Variants in DOCK1 observed in about 807,000 individuals in gnomAD.
The protein encoded by DOCK1 is dedicator of cytokinesis protein 1.
Under a neutral mutation model 262.7 loss-of-function variants are expected in DOCK1, and 138 were observed. That is an observed-to-expected ratio of 0.53 (90% CI 0.46 to 0.61). The LOEUF (loss-of-function observed/expected upper bound fraction) is 0.61. DOCK1 is among the 20% of genes least tolerant of loss of function. The pLI is 0.00. For synonymous variants in DOCK1, 866 were observed against 867.4 expected (o/e 1.00, Z 0.03); for missense variants, 1,908 against 2,370.7 (o/e 0.80, Z 4.05).
At chr10:126,945,127 G>A (rs945633823) in intron 1 of DOCK1, among the ~76,000 whole-genome samples, 16 of 152,108 alleles carry the variant, frequency 1.1e-4, no homozygotes, top group Non-Finnish European at 1.6e-4. Context: ...GTGAGCCACC[G>A]TGCCTGGCCA....
At position 126,995,672 on chromosome 10, in the gene DOCK1, C is replaced by T. The variant is rs142226790; in HGVS notation, c.474-1076C>T. The stretch of plus-strand genomic sequence containing the variant: ...AGACCGTGGAGAGGGAGAGGGAGAC[C>T]GTGGAGAGGGAGAGGGAGAGGGAGA... On this transcript the variant is annotated intron_variant, in intron 6 of 51. Transcript: ENST00000623213. The surrounding 1 kb of genome is among the most constrained non-coding windows in gnomAD (Gnocchi z 5.8). Among the ~76,000 whole-genome samples, 4 of 95,002 alleles carry T rather than the reference C, an allele frequency of 4.2e-5. No homozygotes were observed. The Admixed American group carries it at 4.5e-4, about 11-fold the overall frequency. The allele number at this position is 95,002 out of a possible 152,430, so 62.3% of individuals were successfully genotyped here.
chr10:127,154,454 T>A (rs2052832942), intron 27 of DOCK1, among the ~76,000 whole-genome samples: 1 of 152,260 alleles, frequency 6.6e-6, no homozygotes, highest in African/African-American at 2.4e-5. Flanking sequence ...CACATGGAAA[T>A]GATCCGAAAT....
At chr10:126,946,079 A>C (rs920649673) in intron 1 of DOCK1, among the ~76,000 whole-genome samples, 2,981 of 152,286 alleles carry the variant, frequency 0.02, 95 homozygotes, top group African/African-American at 0.068. Flanking sequence ...GGTTTTTGGC[A>C]TATTACATTA....
chr10:127,140,507 C>T lies in DOCK1; in HGVS notation c.2847+12743C>T, dbSNP rs1014899137. Among the ~76,000 whole-genome samples the T allele has an allele frequency of 5.9e-5, 9 of 152,290 alleles. 1 individual carries two copies. In the South Asian group the frequency reaches 8.3e-4, roughly 14 times the overall value. ...TGCAGTGGATCTGCGTGTGGGATGA[C>T]GCCCGTGCACCAGCCAGGCAACGTG... is the stretch of plus-strand genomic sequence containing the variant. On this transcript the variant is annotated intron_variant, in intron 27 of 51. Coordinates refer to ENST00000623213, the MANE Select transcript of DOCK1 (RefSeq NM_001290223.2).
At chr10:126,999,802 A>G (rs1317972344) in intron 9 of DOCK1, among the ~76,000 whole-genome samples, 1 of 152,048 alleles carries the variant, frequency 6.6e-6, no homozygotes, top group African/African-American at 2.4e-5. Context: ...TCAGCTCCCG[A>G]GTAGCTGGGA....
intron 37 of DOCK1, among the ~76,000 whole-genome samples, chr10:127,382,164 C>G (rs2065863024): frequency 1.3e-5 from 2 of 152,162 alleles, no homozygotes; most frequent in South Asian, 4.1e-4. Context: ...AAAGACTGCT[C>G]ATTCAAGGAG....
chr10:127,054,701 G>C (rs1276942183), intron 22 of DOCK1, among the ~76,000 whole-genome samples: 1 of 152,132 alleles, frequency 6.6e-6, no homozygotes, highest in Non-Finnish European at 1.5e-5. Context: ...GTCAGTACTA[G>C]GGTGGGAGGA....
chr10:127,201,062 T>C (rs1564898660), intron 27 of DOCK1, among the ~76,000 whole-genome samples: 1 of 152,192 alleles, frequency 6.6e-6, no homozygotes, highest in East Asian at 1.9e-4. Context: ...GAAAAGTAAC[T>C]CATATCGCCT....
At chr10:127,440,652 C>T (rs1286330994) in intron 49 of DOCK1, among the ~76,000 whole-genome samples, 1 of 152,178 alleles carries the variant, frequency 6.6e-6, no homozygotes, top group Non-Finnish European at 1.5e-5. Context: ...TCATGCCACT[C>T]AGAAAGCAGT....
intron 1 of DOCK1, among the ~76,000 whole-genome samples, chr10:126,948,746 T>A (rs2035866066): frequency 6.6e-6 from 1 of 152,006 alleles, no homozygotes; most frequent in African/African-American, 2.4e-5. Flanking sequence ...CCAGCCTGGA[T>A]CCCAAGCTTC....
chr10:127,084,639 C>T (rs1330938944), intron 23 of DOCK1, among the ~76,000 whole-genome samples: 2 of 152,180 alleles, frequency 1.3e-5, no homozygotes, highest in East Asian at 1.9e-4. Context: ...ATGTACTTTG[C>T]TATACCTTTC....
chr10:127,236,916 G>A (rs1224026835), intron 27 of DOCK1, among the ~76,000 whole-genome samples: 1 of 152,076 alleles, frequency 6.6e-6, no homozygotes, highest in African/African-American at 2.4e-5. Context: ...GGAAAACGAG[G>A]CTCAGAAAGG....
At chr10:127,300,606 A>G (rs2061647449) in intron 29 of DOCK1, among the ~76,000 whole-genome samples, 1 of 152,182 alleles carries the variant, frequency 6.6e-6, no homozygotes, top group African/African-American at 2.4e-5. Context: ...ATCAAAAATT[A>G]TATTCCAGTT....
In DOCK1 at chr10:127,222,552, A is replaced by G. The variant is rs1296186108; in HGVS notation, c.2848-25456A>G. Among the ~76,000 whole-genome samples, 8 of 152,102 alleles carry G rather than the reference A, an allele frequency of 5.3e-5. No homozygotes were observed. In the East Asian group the frequency reaches 1.3e-3, roughly 26 times the overall value. On this transcript the variant is annotated intron_variant, in intron 27 of 51. Coordinates refer to ENST00000623213, the MANE Select transcript of DOCK1 (RefSeq NM_001290223.2). Reference sequence around the variant, plus strand: ...AACATCATAAACAAGTTTCCTTGGGAGATAAATTTTGTGGTTTCTGTACAT... The same window carrying G: ...AACATCATAAACAAGTTTCCTTGGGGGATAAATTTTGTGGTTTCTGTACAT...
chr10:127,218,897 CT>C (rs1399319318), intron 27 of DOCK1, among the ~76,000 whole-genome samples: 1 of 152,178 alleles, frequency 6.6e-6, no homozygotes, highest in Non-Finnish European at 1.5e-5. Flanking sequence ...AAGATGGCGC[CT>C]TGTTGCTTCA....
In DOCK1 at chr10:127,438,530, C is replaced by A. The variant is rs184164843; in HGVS notation, c.5061-497C>A. ...GCATCTCCAAGCACCTGTGAGCTGG[C>A]CCTGGCTTGCTTCTGACTGAGCCAT... On this transcript the variant is annotated intron_variant, in intron 48 of 51. Transcript: ENST00000623213. Among the ~76,000 whole-genome samples the A allele has an allele frequency of 2.6e-5, 4 of 152,294 alleles. No homozygotes were observed. The East Asian group carries it at 7.7e-4, about 29-fold the overall frequency.
At chr10:127,310,381 G>C (rs189080489) in intron 29 of DOCK1, among the ~76,000 whole-genome samples, 1 of 150,256 alleles carries the variant, frequency 6.7e-6, no homozygotes, top group African/African-American at 2.4e-5. Flanking sequence ...GCTCTGCCCC[G>C]GCAGCTGAGT....
intron 29 of DOCK1, among the ~76,000 whole-genome samples, chr10:127,276,367 G>T (rs2060740324): frequency 6.6e-6 from 1 of 152,158 alleles, no homozygotes; most frequent in Non-Finnish European, 1.5e-5. Flanking sequence ...TTTGGGAGGG[G>T]ACAGGGGGGA....
At chr10:126,985,541 G>A (rs1049107639) in intron 4 of DOCK1, among the ~76,000 whole-genome samples, 17 of 152,138 alleles carry the variant, frequency 1.1e-4, no homozygotes, top group Non-Finnish European at 2.5e-4. Context: ...ATGCACTGAG[G>A]CCCTATTCAC....
Sources: gnomAD v4.1 joint callset for allele counts (sites outside exome capture counted in the v4.1 genomes callset) on GRCh38, gnomAD v4.1.1 for gene constraint, Gnocchi (gnomAD v3.1) non-coding constraint, MANE v1.5 for transcripts, NCBI Gene and HGNC (gene_info 2026-07-23, HGNC 2026-07-21) for gene names.